Variants in MYO5B observed in about 807,000 individuals in gnomAD.
MYO5B encodes the protein unconventional myosin-Vb.
A neutral mutation model predicts 229.3 loss-of-function variants in MYO5B; 143 were observed. The observed-to-expected ratio is 0.62, with a 90% CI of 0.54 to 0.72. The LOEUF (loss-of-function observed/expected upper bound fraction) is 0.72, where lower values mean the gene tolerates loss of function less well. Ranked by LOEUF, MYO5B falls within the 30% of genes least tolerant of loss-of-function variation. The probability of loss-of-function intolerance (pLI) is 0.00; values close to 1 mark genes in which losing one functional copy is unlikely to be tolerated. For missense variants in MYO5B, 2,321 were observed against 2,331.0 expected, an observed-to-expected ratio of 1.00 and a Z score of 0.09; for synonymous variants, 918 against 885.2, an observed-to-expected ratio of 1.04 and a Z score of -0.66.
intron 18 of MYO5B, among the ~76,000 whole-genome samples, chr18:49,911,820 G>C (rs751365246): frequency 1.3e-5 from 2 of 152,124 alleles, no homozygotes; most frequent in Admixed American, 1.3e-4. Flanking sequence ...CGAGAGGAGC[G>C]CTGCCACAGA....
At chr18:50,176,528 C>T (rs1175930374) in intron 1 of MYO5B, among the ~76,000 whole-genome samples, 1 of 152,148 alleles carries the variant, frequency 6.6e-6, no homozygotes. Context: ...GTTACTTAGT[C>T]CTCTTCAAAG....
intron 4 of MYO5B, among the ~76,000 whole-genome samples, chr18:50,016,861 CT>C (rs552992510): frequency 2.0e-5 from 3 of 151,828 alleles, no homozygotes; most frequent in South Asian, 2.1e-4. Context: ...GTGTCTACCC[CT>C]ATACCAAATC....
chr18:49,963,525 G>C (rs1020328547), intron 10 of MYO5B, among the ~76,000 whole-genome samples: 1 of 151,898 alleles, frequency 6.6e-6, no homozygotes, highest in Admixed American at 6.6e-5. Flanking sequence ...CAGTCTCAAG[G>C]GATCCTCCCA....
Position 50,195,017 on chromosome 18 carries a change from G to C in MYO5B, c.-224C>G. The C allele has an allele frequency of 1.4e-5, 7 of 496,858 alleles. No homozygotes were observed. The highest frequency in any genetic ancestry group is 2.1e-5 in the Non-Finnish European group (7 of 328,908). The allele number at this position is 496,858 out of a possible 1,614,324, so 30.8% of individuals were successfully genotyped here. A position where few individuals can be genotyped will look rare whatever the true frequency, so the allele number is the denominator to read the frequency against. ...CGGCGGCGCAGCTACGGCCGGACAG[G>C]AGTTGCGAGCGCCGGGGGAGGAGGC... On this transcript the variant is annotated 5_prime_UTR_variant, in exon 1 of 40. Coordinates refer to ENST00000285039, the MANE Select transcript of MYO5B (RefSeq NM_001080467.3).
At chr18:50,175,598 T>C (rs898972004) in intron 1 of MYO5B, among the ~76,000 whole-genome samples, 2 of 152,388 alleles carry the variant, frequency 1.3e-5, no homozygotes, top group Middle Eastern at 3.4e-3. Flanking sequence ...CTCCTTTTAC[T>C]GTCTATGTGA....
chr18:50,054,833 C>G (rs2030500823), intron 2 of MYO5B, among the ~76,000 whole-genome samples: 1 of 152,154 alleles, frequency 6.6e-6, no homozygotes, highest in Admixed American at 6.5e-5. Context: ...GATGAAGTAA[C>G]AAGCACAGAA....
intron 17 of MYO5B, among the ~76,000 whole-genome samples, chr18:49,926,396 C>G (rs892186147): frequency 6.6e-6 from 1 of 152,228 alleles, no homozygotes; most frequent in African/African-American, 2.4e-5. Flanking sequence ...AGGGGAGGCC[C>G]ATATCACATC....
chr18:50,154,236 T>TA (rs1437976939), intron 1 of MYO5B, among the ~76,000 whole-genome samples: 1 of 152,112 alleles, frequency 6.6e-6, no homozygotes, highest in African/African-American at 2.4e-5. Flanking sequence ...CTCATTATCT[T>TA]AGAGATTTCT....
intron 4 of MYO5B, among the ~76,000 whole-genome samples, chr18:50,007,933 C>T (rs4548979): frequency 0.16 from 24,893 of 152,162 alleles, 2,209 homozygotes; most frequent in East Asian, 0.26. Context: ...TCAAATGATG[C>T]ACCCAGAATT....
chr18:49,904,560 C>T, intron 20 of MYO5B, 112 bp downstream of exon 20: 1 of 1,329,652 alleles, frequency 7.5e-7, no homozygotes. Flanking sequence ...GATGTGAAAG[C>T]ATTTAGAAAA....
chr18:50,079,760 A>C (rs1034334222), intron 1 of MYO5B, among the ~76,000 whole-genome samples: 1 of 151,840 alleles, frequency 6.6e-6, no homozygotes, highest in Non-Finnish European at 1.5e-5. Context: ...AGACTGTCCA[A>C]GTCCAGGGCA....
intron 1 of MYO5B, among the ~76,000 whole-genome samples, chr18:50,167,848 T>G (rs1431395169): frequency 2.6e-5 from 4 of 152,164 alleles, no homozygotes; most frequent in Admixed American, 2.6e-4. Flanking sequence ...GCCAAGCCCA[T>G]CTGCCCTCTG....
chr18:50,101,038 C>G (rs2031644792), intron 1 of MYO5B, among the ~76,000 whole-genome samples: 1 of 152,230 alleles, frequency 6.6e-6, no homozygotes, highest in South Asian at 2.1e-4. Context: ...GATGAATAAG[C>G]TCCGTGGATC....
chr18:50,039,715 C>T (rs1175305773), intron 3 of MYO5B, among the ~76,000 whole-genome samples: 1 of 152,120 alleles, frequency 6.6e-6, no homozygotes, highest in East Asian at 1.9e-4. Context: ...TTGACAAATA[C>T]TCATTGGGTA....
intron 8 of MYO5B, among the ~76,000 whole-genome samples, chr18:49,981,580 CAAAGT>C (rs1384593122): frequency 1.3e-5 from 2 of 152,078 alleles, no homozygotes; most frequent in Non-Finnish European, 2.9e-5. Context: ...TCAAAACATA[CAAAGT>C]AAAGAATAAC....
Sources: allele counts gnomAD v4.1 joint callset (sites outside exome capture counted in the v4.1 genomes callset), GRCh38; gene constraint gnomAD v4.1.1; transcripts MANE v1.5; gene names NCBI Gene and HGNC (gene_info 2026-07-23, HGNC 2026-07-21).